The following KNCN variants were observed in gnomAD, a reference collection of about 807,000 sequenced individuals.
KNCN encodes kinocilin.
In KNCN, 11 loss-of-function variants were observed where a neutral mutation model predicts 10.4. That is an observed-to-expected ratio of 1.06 (90% CI 0.67 to 1.75). The LOEUF (loss-of-function observed/expected upper bound fraction) is 1.75, where lower values mean the gene tolerates loss of function less well. KNCN is among the 40% of genes most tolerant of loss of function. The pLI is 0.00. For missense variants in KNCN, 172 were observed against 167.1 expected (o/e 1.03, Z -0.16); for synonymous variants, 67 against 71.6 (o/e 0.94, Z 0.33).
intron 1 of KNCN, 98 bp from the exon 2 acceptor site, chr1:46,550,100 G>A (rs1667034540): frequency 1.3e-6 from 2 of 1,542,928 alleles, no homozygotes; most frequent in African/African-American, 1.4e-5. Flanking sequence ...TGTGAGATAT[G>A]GGTGTGCATG....
In KNCN at chr1:46,551,424, C is replaced by T. The variant is rs1233361017; in HGVS notation, c.-209G>A. The T allele has an allele frequency of 7.5e-6, 4 of 536,310 alleles. No individual in the cohort carries two copies. Among genetic ancestry groups the T allele is most frequent in the Admixed American group, 7.8e-5 (2 of 25,510 alleles). The allele number at this position is 536,310 out of a possible 1,614,324, so 33.2% of individuals were successfully genotyped here. ...ACGGGCCCCCCAGTCCCACCTTGAC[C>T]AGGGATCTGTACGAGGTCACCCAGC... On this transcript the variant is annotated 5_prime_UTR_variant, in exon 1 of 4. Coordinates refer to ENST00000481882, the MANE Select transcript of KNCN (RefSeq NM_001322255.2). This position sits in a 1 kb window ranked among gnomAD's most constrained non-coding sequence, Gnocchi z 4.0.
rs763905826 is a variant in KNCN, at chr1:46,549,936, A to G, written c.218T>C (p.Ile73Thr). The change falls in exon 2 of 4, where the codon ATA (isoleucine) becomes ACA (threonine). Residue 73 changes from isoleucine to threonine, a missense_variant and splice_region_variant. Ile to Thr is a moderately conservative substitution (Grantham distance 89, BLOSUM62 -1). Coordinates refer to ENST00000481882, the MANE Select transcript of KNCN (RefSeq NM_001322255.2). ...CTGGGGTCAGGGAGAGGCCTCACCT[A>G]TGGTAGGCAGGATGTGGTCCAGGTT... ...RFNLDHILPT[I>T]GSLRIHPHPG... is the part of the protein sequence containing the mutation. The G allele has an allele frequency of 8.1e-5, 126 of 1,550,416 alleles. No individual in the cohort carries two copies. The highest frequency in any genetic ancestry group is 1.7e-4 in the Middle Eastern group (1 of 6,014).
intron 1 of KNCN, 91 bp downstream of exon 1, chr1:46,550,974 C>T (rs1667054436): frequency 3.2e-6 from 4 of 1,256,254 alleles, no homozygotes; most frequent in Non-Finnish European, 1.1e-6. Context: ...TCCTGCTGAC[C>T]CAGCCCTTCC....
In KNCN at chr1:46,551,056, C is replaced by G. The variant is rs747680509; in HGVS notation, c.151+9G>C. The G allele has an allele frequency of 5.7e-6, 9 of 1,576,624 alleles. No individual in the cohort carries two copies. Among genetic ancestry groups the G allele is most frequent in the Non-Finnish European group, 7.8e-6 (9 of 1,160,328 alleles). ...CTCCCTTCCCTATCCCAGCCCAGCC[C>G]CTGCTCACCCAGAACAGCAGCGCCA... is the stretch of plus-strand genomic sequence containing the variant. On this transcript the variant is annotated intron_variant, in intron 1 of 3. Coordinates refer to ENST00000481882, the MANE Select transcript of KNCN (RefSeq NM_001322255.2). The surrounding 1 kb of genome is among the most constrained non-coding windows in gnomAD (Gnocchi z 4.0).
rs774649588 is a variant in KNCN, at chr1:46,549,174, G to A, written c.295+19C>T. ...AAAAAGAAAAAAGAAGGATGGACTCGGGAATTTCTGGAACTTACCTTCCTT... is the reference window on the plus strand; with the variant it reads ...AAAAAGAAAAAAGAAGGATGGACTCAGGAATTTCTGGAACTTACCTTCCTT... On this transcript the variant is annotated intron_variant, in intron 3 of 3. Transcript: ENST00000481882. The A allele has an allele frequency of 1.1e-4, 181 of 1,588,254 alleles. No individual in the cohort carries two copies. Among genetic ancestry groups the A allele is most frequent in the Non-Finnish European group, 1.4e-4 (165 of 1,165,956 alleles).
At position 46,551,033 on chromosome 1, in the gene KNCN, C is replaced by T. The variant is rs764323115; in HGVS notation, c.151+32G>A. ...GCCCCTGCCCCCACCTCCAGAATCTCCCTTCCCTATCCCAGCCCAGCCCCT... is the reference window on the plus strand; with the variant it reads ...GCCCCTGCCCCCACCTCCAGAATCTTCCTTCCCTATCCCAGCCCAGCCCCT... On this transcript the variant is annotated intron_variant, in intron 1 of 3. Transcript: ENST00000481882. This position sits in a 1 kb window ranked among gnomAD's most constrained non-coding sequence, Gnocchi z 4.0. 2 of 1,548,764 alleles carry T rather than the reference C, an allele frequency of 1.3e-6. No individual in the cohort carries two copies. Among genetic ancestry groups the T allele is most frequent in the South Asian group, 2.4e-5 (2 of 82,482 alleles).
At chr1:46,550,381 C>T (rs1220647475) in intron 1 of KNCN, among the ~76,000 whole-genome samples, 2 of 152,206 alleles carry the variant, frequency 1.3e-5, no homozygotes, top group Non-Finnish European at 2.9e-5. Flanking sequence ...CCTCCCCACC[C>T]AGACCTGGGG....
rs1200004541 is a variant in KNCN, at chr1:46,545,995, A to T, written c.*1735T>A. On this transcript the variant is annotated 3_prime_UTR_variant, in exon 4 of 4. Transcript: ENST00000481882. ...AGCTGGGTGGAGAGGAGGGCAGTTC[A>T]AAGAGAGGAAGTTGCTTCTCTCAGC... 6.6e-6 allele frequency: 1 copy of T among 152,370 alleles called. No homozygotes were observed. Among genetic ancestry groups the T allele is most frequent in the Non-Finnish European group, 1.5e-5 (1 of 68,102 alleles). 9.4% of individuals were successfully genotyped at this position (152,370 alleles called of 1,614,324 possible).
In KNCN at chr1:46,549,194, T is replaced by C. The variant is rs925581257; in HGVS notation, c.294A>G (p.Glu98=). 5.6e-6 allele frequency: 9 copies of C among 1,608,320 alleles called. No individual in the cohort carries two copies. The highest frequency in any genetic ancestry group is 6.8e-6 in the Non-Finnish European group (8 of 1,177,310). ...EGRSSTNGNK[E]GARSSLSTVS... is the part of the protein sequence containing the mutation. The stretch of plus-strand genomic sequence containing the variant: ...GACTCGGGAATTTCTGGAACTTACC[T>C]TCCTTGTTGCCATTGGTGCTGGATC... The change falls in exon 3 of 4, where the codon GAA becomes GAG. Residue 98 remains glutamate, a splice_region_variant and synonymous_variant. Transcript: ENST00000481882.
In KNCN at chr1:46,547,715, C is replaced by A; in HGVS notation, c.*15G>T. 2 of 1,515,708 alleles carry A rather than the reference C, an allele frequency of 1.3e-6. No individual in the cohort carries two copies. Among genetic ancestry groups the A allele is most frequent in the Non-Finnish European group, 8.9e-7 (1 of 1,127,260 alleles). The allele number at this position is 1,515,708 out of a possible 1,614,324, so 93.9% of individuals were successfully genotyped here. Reference sequence around the variant, plus strand: ...GATGGGAGGGCAGGGCATGGGCAGCCGCTCAGACTTTGCCTCAGCATTCCT... The same window carrying A: ...GATGGGAGGGCAGGGCATGGGCAGCAGCTCAGACTTTGCCTCAGCATTCCT... On this transcript the variant is annotated 3_prime_UTR_variant, in exon 4 of 4. Transcript: ENST00000481882.
At chr1:46,548,018 G>A (rs1025431966) in intron 3 of KNCN, among the ~76,000 whole-genome samples, 1 of 152,138 alleles carries the variant, frequency 6.6e-6, no homozygotes, top group Non-Finnish European at 1.5e-5. Flanking sequence ...TTTCAAGAGG[G>A]CAGCAGCATA....
Position 46,547,060 on chromosome 1 carries a change from C to G in KNCN, c.*670G>C, listed in dbSNP as rs557528125. 224 of 272,238 alleles carry G rather than the reference C, an allele frequency of 8.2e-4. No individual in the cohort carries two copies. The highest frequency in any genetic ancestry group is 4.6e-3 in the African/African-American group (209 of 45,326). 16.9% of individuals were successfully genotyped at this position (272,238 alleles called of 1,614,324 possible). On this transcript the variant is annotated 3_prime_UTR_variant, in exon 4 of 4. Transcript: ENST00000481882. ...GCCTTGAGTGGTGGAGTTAAGACAC[C>G]AAGGGTCTCAGGCCTGGGCTCAGCT...
At chr1:46,549,716 G>C (rs1569936326) in intron 2 of KNCN, 1 of 754,628 alleles carries the variant, frequency 1.3e-6, no homozygotes, top group South Asian at 1.9e-5. Context: ...CCAGCTCTGA[G>C]CTGGTTCAGG....
Position 46,547,015 on chromosome 1 carries a change from GAGAAGTC to G in KNCN, c.*708_*714del, listed in dbSNP as rs1170820028. The G allele has an allele frequency of 9.7e-6, 2 of 206,764 alleles. No individual in the cohort carries two copies. The highest frequency in any genetic ancestry group is 4.6e-5 in the African/African-American group (2 of 43,230). The allele number at this position is 206,764 out of a possible 1,614,324, so 12.8% of individuals were successfully genotyped here. On this transcript the variant is annotated 3_prime_UTR_variant, in exon 4 of 4. Transcript: ENST00000481882. ...GAGCAGTGAGAAGATGGGAGGAAGA[GAGAAGTC>G]AGATCACAAAAAGCCTTGAGTGGTG...
chr1:46,546,220 C>T lies in KNCN; in HGVS notation c.*1510G>A, dbSNP rs574121627. 6.6e-6 allele frequency: 1 copy of T among 152,342 alleles called. No homozygotes were observed. Among genetic ancestry groups the T allele is most frequent in the East Asian group, 1.9e-4 (1 of 5,180 alleles). 9.4% of individuals were successfully genotyped at this position (152,342 alleles called of 1,614,324 possible). ...TCTTTCACCATGGGACTCGATGAGT[C>T]CTTTTTCCAGTGGGGCCTCAGCTTT... On this transcript the variant is annotated 3_prime_UTR_variant, in exon 4 of 4. Transcript: ENST00000481882.
intron 1 of KNCN, among the ~76,000 whole-genome samples, chr1:46,550,636 G>A (rs1319213904): frequency 1.3e-5 from 2 of 152,192 alleles, no homozygotes; most frequent in Non-Finnish European, 2.9e-5. Flanking sequence ...CAGCTGCTGT[G>A]GAGGCAAACA....
chr1:46,549,837 G>A, intron 2 of KNCN, 97 bp downstream of exon 2: 2 of 1,546,038 alleles, frequency 1.3e-6, no homozygotes, highest in South Asian at 2.4e-5. Context: ...TCACACATGG[G>A]CTCATCCCAG....
chr1:46,549,141 C>CA (rs749743161), intron 3 of KNCN, 52 bp downstream of exon 3: 13,091 of 775,842 alleles, frequency 0.017, 1 homozygote, highest in South Asian at 0.031. Flanking sequence ...AACTCTGTCT[C>CA]AAAAAAAAAA....
rs755057910 is a variant in KNCN, at chr1:46,549,277, G to T, written c.221-10C>A. On this transcript the variant is annotated splice_polypyrimidine_tract_variant and intron_variant, in intron 2 of 3. Coordinates refer to ENST00000481882, the MANE Select transcript of KNCN (RefSeq NM_001322255.2). ...TGGATTCTTAGGCTCCCTGCAGGAT[G>T]AGACCACCCCAAGCCCCCTGATTAC... 6.2e-7 allele frequency: 1 copy of T among 1,606,276 alleles called. No individual in the cohort carries two copies. Among genetic ancestry groups the T allele is most frequent in the South Asian group, 1.1e-5 (1 of 89,408 alleles).
Sources: gnomAD v4.1 joint callset for allele counts (sites outside exome capture counted in the v4.1 genomes callset) on GRCh38, gnomAD v4.1.1 for gene constraint, Gnocchi (gnomAD v3.1) non-coding constraint, MANE v1.5 for transcripts, NCBI Gene and HGNC (gene_info 2026-07-23, HGNC 2026-07-21) for gene names.